Variants in KIAA2012 observed in about 807,000 individuals in gnomAD.
The protein encoded by KIAA2012 is KIAA2012.
A neutral mutation model predicts 150.6 loss-of-function variants in KIAA2012; 125 were observed. That is an observed-to-expected ratio of 0.83 (90% confidence interval 0.72 to 0.96). KIAA2012 has a LOEUF of 0.96. Among genes scored for constraint, KIAA2012 ranks in the 40% least tolerant of loss-of-function variants. The probability of loss-of-function intolerance (pLI) is 0.00; values close to 1 mark genes in which losing one functional copy is unlikely to be tolerated. For missense variants in KIAA2012, 1,219 were observed against 1,354.9 expected (o/e 0.90, Z 1.57); for synonymous variants, 462 against 504.7 (o/e 0.92, Z 1.13).
intron 5 of KIAA2012, among the ~76,000 whole-genome samples, chr2:202,098,861 C>T (rs769924914): frequency 1.3e-4 from 19 of 151,086 alleles, no homozygotes; most frequent in Non-Finnish European, 2.1e-4. Flanking sequence ...TTCAGAGCAA[C>T]ATAGACAACA....
chr2:202,128,755 C>T (rs1470301128), intron 12 of KIAA2012, among the ~76,000 whole-genome samples: 3 of 147,406 alleles, frequency 2.0e-5, no homozygotes, highest in Non-Finnish European at 3.0e-5. Flanking sequence ...AACTTAATCA[C>T]TATGCAGAAC....
At chr2:202,195,842 C>T (rs982246936) in intron 21 of KIAA2012, among the ~76,000 whole-genome samples, 1 of 152,186 alleles carries the variant, frequency 6.6e-6, no homozygotes, top group Non-Finnish European at 1.5e-5. Flanking sequence ...TTCACATTGT[C>T]ATAAAAGACA....
chr2:202,182,457 AT>A (rs1179618665), intron 15 of KIAA2012, among the ~76,000 whole-genome samples: 1 of 152,034 alleles, frequency 6.6e-6, no homozygotes, highest in Non-Finnish European at 1.5e-5. Context: ...CAACATAATT[AT>A]TTTGAGATTC....
intron 6 of KIAA2012, 95 bp from the exon 7 acceptor site, chr2:202,100,212 C>A: frequency 7.5e-7 from 1 of 1,326,644 alleles, no homozygotes; most frequent in Non-Finnish European, 1.0e-6. Flanking sequence ...GCCTGCCTTT[C>A]TCCCCATTAA....
At position 202,097,520 on chromosome 2, in the gene KIAA2012, G is replaced by T. The variant is rs140645385; in HGVS notation, c.771G>T (p.Gly257=). ...GPLAKNHGSQ[G]TRLPPRRKQP... Reference sequence around the variant, plus strand: ...TAGCCAAGAACCATGGCAGTCAGGGGACTCGCTTGCCACCACGCAGGAAGC... The same window carrying T: ...TAGCCAAGAACCATGGCAGTCAGGGTACTCGCTTGCCACCACGCAGGAAGC... Residue 257 remains glycine, a synonymous_variant, in exon 5 of 24, where the codon GGG becomes GGT. Transcript: ENST00000498697. 4.3e-5 allele frequency: 67 copies of T among 1,550,406 alleles called. No homozygotes were observed. Among genetic ancestry groups the T allele is most frequent in the Non-Finnish European group, 5.5e-5 (63 of 1,146,984 alleles).
At chr2:202,154,553 G>A (rs999120717) in intron 13 of KIAA2012, 120 bp from the exon 14 acceptor site, 21 of 866,844 alleles carry the variant, frequency 2.4e-5, no homozygotes, top group East Asian at 8.1e-5. Flanking sequence ...TAGTTGCTGC[G>A]TATTATTGTT....
intron 15 of KIAA2012, among the ~76,000 whole-genome samples, chr2:202,167,709 T>C (rs928811358): frequency 3.3e-5 from 5 of 151,446 alleles, no homozygotes; most frequent in Non-Finnish European, 4.4e-5. Flanking sequence ...CCAGGCATGG[T>C]AGTGAGGACC....
Position 202,100,436 on chromosome 2 carries a change from T to A in KIAA2012, c.1142T>A (p.Val381Glu), listed in dbSNP as rs1410600366. The change falls in exon 7 of 24, where the codon GTG becomes GAG. Residue 381 changes from valine to glutamate, a missense_variant. Coordinates refer to ENST00000498697, the MANE Select transcript of KIAA2012 (RefSeq NM_001277372.4). Reference sequence around the variant, plus strand: ...TCCAGAATAATCACCCCTGGGGAAGTGAAGAAGAAAAAGGTTGTGTGTATA... The same window carrying A: ...TCCAGAATAATCACCCCTGGGGAAGAGAAGAAGAAAAAGGTTGTGTGTATA... ...TGSRIITPGE[V>E]KKKKAPKALK... The A allele has an allele frequency of 1.5e-5, 23 of 1,549,754 alleles. 1 individual carries two copies. The highest frequency in any genetic ancestry group is 1.9e-5 in the Non-Finnish European group (22 of 1,146,738).
chr2:202,133,985 T>G (rs1691011445), intron 12 of KIAA2012, among the ~76,000 whole-genome samples: 1 of 152,122 alleles, frequency 6.6e-6, no homozygotes, highest in Admixed American at 6.5e-5. Context: ...GGGGAGAATT[T>G]TTTTTTTTTA....
chr2:202,106,012 G>A (rs1360698561), intron 9 of KIAA2012, 102 bp downstream of exon 9: 1 of 1,545,732 alleles, frequency 6.5e-7, no homozygotes, highest in Non-Finnish European at 8.7e-7. Flanking sequence ...AGTCTGGAAG[G>A]GAGGTTAGTT....
At chr2:202,179,443 A>G in intron 15 of KIAA2012, 1 of 719,784 alleles carries the variant, frequency 1.4e-6, no homozygotes, top group Non-Finnish European at 2.6e-6. Context: ...CAACCGAGAA[A>G]AAACAGAAAT....
intron 15 of KIAA2012, among the ~76,000 whole-genome samples, chr2:202,166,042 G>T (rs981753298): frequency 5.3e-5 from 8 of 152,166 alleles, no homozygotes; most frequent in African/African-American, 1.9e-4. Flanking sequence ...AATCACACAT[G>T]CAGAATGTGA....
In KIAA2012 at chr2:202,133,130, A is replaced by ATTTTTTTTTTTTTTTTTT. The variant is rs60064904; in HGVS notation, c.1832-5290_1832-5289insTTTTTTTTTTTTTTTTTT. On this transcript the variant is annotated intron_variant, in intron 12 of 23. Transcript: ENST00000498697. Reference sequence around the variant, plus strand: ...AAAAAATATATATATATATATATATATTTTTTTTTTTTCTGGAGAATGGAG... The same window carrying ATTTTTTTTTTTTTTTTTT: ...AAAAAATATATATATATATATATATATTTTTTTTTTTTTTTTTTTTTTTTTTTTTTCTGGAGAATGGAG... 8.9e-5 allele frequency among the ~76,000 whole-genome samples: 6 copies of ATTTTTTTTTTTTTTTTTT among 67,774 alleles called. 1 individual carries two copies. The highest frequency in any genetic ancestry group is 1.8e-4 in the Admixed American group (1 of 5,572). 44.5% of individuals were successfully genotyped at this position (67,774 alleles called of 152,430 possible).
At chr2:202,078,581 G>C (rs2105907983) in intron 2 of KIAA2012, among the ~76,000 whole-genome samples, 1 of 152,260 alleles carries the variant, frequency 6.6e-6, no homozygotes, top group South Asian at 2.1e-4. Flanking sequence ...GAGCCACCAT[G>C]CCTGGCCTGG....
chr2:202,153,455 C>G (rs1364149915), intron 13 of KIAA2012, among the ~76,000 whole-genome samples: 1 of 152,216 alleles, frequency 6.6e-6, no homozygotes, highest in African/African-American at 2.4e-5. Flanking sequence ...CCATGTGGCC[C>G]TCTGCACCTG....
intron 2 of KIAA2012, among the ~76,000 whole-genome samples, chr2:202,083,763 C>CG (rs1341194509): frequency 6.1e-4 from 37 of 60,560 alleles, no homozygotes; most frequent in East Asian, 1.6e-3. Flanking sequence ...GCCAGGGGGG[C>CG]GGGGGGGCTG....
intron 13 of KIAA2012, among the ~76,000 whole-genome samples, chr2:202,146,758 G>C (rs1691311077): frequency 6.6e-6 from 1 of 151,738 alleles, no homozygotes; most frequent in African/African-American, 2.4e-5. Flanking sequence ...ATGGTCATAC[G>C]ACCGCACTCC....
intron 22 of KIAA2012, chr2:202,197,543 A>G: frequency 6.4e-6 from 1 of 157,214 alleles, no homozygotes; most frequent in Non-Finnish European, 1.4e-5. Flanking sequence ...CTAGCAATAA[A>G]TGCTATGCAG....
intron 18 of KIAA2012, among the ~76,000 whole-genome samples, chr2:202,188,919 C>G (rs1169103555): frequency 6.6e-6 from 1 of 152,190 alleles, no homozygotes; most frequent in Non-Finnish European, 1.5e-5. Flanking sequence ...TAGCCTAAAA[C>G]TTACACCCAT....
Sources: allele counts gnomAD v4.1 joint callset (sites outside exome capture counted in the v4.1 genomes callset), GRCh38; gene constraint gnomAD v4.1.1; transcripts MANE v1.5; gene names NCBI Gene and HGNC (gene_info 2026-07-23, HGNC 2026-07-21).